Variants in CPAP observed in about 807,000 individuals in gnomAD.
The protein encoded by CPAP is centrosome assembly and centriole elongation protein.
the CPAP span, chr13:24,892,766 T>C: frequency 6.2e-7 from 1 of 1,613,910 alleles, no homozygotes; most frequent in Non-Finnish European, 8.5e-7. Flanking sequence ...TCTCTCTGAC[T>C]AACATTTGTA....
the CPAP span, among the ~76,000 whole-genome samples, chr13:24,930,719 G>T: frequency 6.6e-6 from 1 of 152,122 alleles, no homozygotes; most frequent in East Asian, 1.9e-4. Context: ...ATTGTTGATG[G>T]GCACCTGAGT....
the CPAP span, chr13:24,899,489 C>T: frequency 5.6e-6 from 9 of 1,613,500 alleles, no homozygotes; most frequent in East Asian, 2.2e-5. Flanking sequence ...AAAAACTTTA[C>T]GTTCCTTTTG....
chr13:24,908,593 A>AAAAGT, the CPAP span, among the ~76,000 whole-genome samples: 1 of 77,936 alleles, frequency 1.3e-5, no homozygotes, highest in African/African-American at 4.5e-5. Context: ...ACCCTGTCTC[A>AAAAGT]AAAATAAAAT....
At chr13:24,907,560 G>C in the CPAP span, among the ~76,000 whole-genome samples, 1 of 150,374 alleles carries the variant, frequency 6.7e-6, no homozygotes, top group Non-Finnish European at 1.5e-5. Flanking sequence ...AATCAGAAAA[G>C]TCATTTTGTC....
chr13:24,899,614 A>C, the CPAP span: 1 of 1,588,908 alleles, frequency 6.3e-7, no homozygotes. Context: ...TTATCACCTA[A>C]GGAGACCATC....
At chr13:24,908,710 C>T in the CPAP span, among the ~76,000 whole-genome samples, 7 of 151,942 alleles carry the variant, frequency 4.6e-5, no homozygotes, top group Non-Finnish European at 1.0e-4. Flanking sequence ...AAGAATCAAA[C>T]GTAATACATG....
chr13:24,908,435 CAAAAAAAAAAAAAA>C, the CPAP span, among the ~76,000 whole-genome samples: 4 of 80,902 alleles, frequency 4.9e-5, no homozygotes, highest in African/African-American at 1.2e-4. Context: ...CCCGTCTCTA[CAAAAAAAAAAAAAA>C]AAAAAAAAAA....
chr13:24,929,670 G>A, the CPAP span, among the ~76,000 whole-genome samples: 1 of 152,096 alleles, frequency 6.6e-6, no homozygotes, highest in Non-Finnish European at 1.5e-5. Context: ...ATCAAATTGG[G>A]ACTTTGGGGC....
the CPAP span, chr13:24,906,204 G>C: frequency 1.2e-6 from 2 of 1,613,092 alleles, no homozygotes; most frequent in Non-Finnish European, 1.7e-6. Context: ...GAAGACATCC[G>C]GTGACCTTTG....
the CPAP span, among the ~76,000 whole-genome samples, chr13:24,923,367 C>T: frequency 6.6e-6 from 1 of 151,636 alleles, no homozygotes; most frequent in Non-Finnish European, 1.5e-5. Flanking sequence ...CAGTCCGCTA[C>T]ACCATTTCGT....
the CPAP span, among the ~76,000 whole-genome samples, chr13:24,930,295 A>G: frequency 1.3e-5 from 2 of 152,008 alleles, no homozygotes; most frequent in Non-Finnish European, 2.9e-5. Context: ...TCTATTAATA[A>G]TCTTTATTTT....
chr13:24,890,205 A>G, the CPAP span, among the ~76,000 whole-genome samples: 29 of 152,248 alleles, frequency 1.9e-4, no homozygotes, highest in Admixed American at 7.8e-4. Flanking sequence ...TCAGTGAAAC[A>G]TAGACATAAC....
the CPAP span, among the ~76,000 whole-genome samples, chr13:24,922,321 C>T: frequency 6.6e-6 from 1 of 152,176 alleles, no homozygotes; most frequent in African/African-American, 2.4e-5. Context: ...ATTTAGCAGT[C>T]CCCTAAAATA....
the CPAP span, chr13:24,911,939 A>G: frequency 1.2e-6 from 2 of 1,613,948 alleles, no homozygotes; most frequent in Non-Finnish European, 1.7e-6. Context: ...GTGTAGGCAA[A>G]GCATACCTGG....
the CPAP span, among the ~76,000 whole-genome samples, chr13:24,932,170 G>A: frequency 1.3e-5 from 2 of 152,166 alleles, no homozygotes; most frequent in African/African-American, 2.4e-5. Flanking sequence ...ACCCGGAACA[G>A]CGACCCCCAA....
the CPAP span, among the ~76,000 whole-genome samples, chr13:24,918,423 G>A: frequency 0.012 from 1,876 of 152,300 alleles, 37 homozygotes; most frequent in African/African-American, 0.044. Flanking sequence ...GTAAGGGTTA[G>A]GGGGACCAAC....
At chr13:24,888,500 T>C in the CPAP span, among the ~76,000 whole-genome samples, 1 of 152,060 alleles carries the variant, frequency 6.6e-6, no homozygotes, top group Admixed American at 6.5e-5. Flanking sequence ...CAACCACCAT[T>C]TTACATCAAC....
At chr13:24,902,444 T>A in the CPAP span, among the ~76,000 whole-genome samples, 126,377 of 152,160 alleles carry the variant, frequency 0.83, 52,630 homozygotes, top group East Asian at 0.9. Flanking sequence ...ATGTATCAGC[T>A]GAAAAACAAA....
chr13:24,895,645 C>T, the CPAP span, among the ~76,000 whole-genome samples: 2 of 152,156 alleles, frequency 1.3e-5, no homozygotes, highest in Admixed American at 6.5e-5. Flanking sequence ...TTAAATAACC[C>T]GTTGTTCCAG....
Sources: gnomAD v4.1 joint callset for allele counts (sites outside exome capture counted in the v4.1 genomes callset) on GRCh38, gnomAD v4.1.1 for gene constraint, MANE v1.5 for transcripts, NCBI Gene and HGNC (gene_info 2026-07-23, HGNC 2026-07-21) for gene names.